CCBE1: variants seen among roughly 807,000 people sequenced by gnomAD.
CCBE1 encodes the protein collagen and calcium-binding EGF domain-containing protein 1.
CCBE1 carries 37 observed loss-of-function variants against 50.0 expected under a neutral mutation model. The ratio of observed to expected loss-of-function variants is 0.74; its 90% CI spans 0.57 to 0.97. The LOEUF is 0.97. Ranked by LOEUF, CCBE1 falls within the 50% of genes least tolerant of loss-of-function variation. The pLI is 0.00. For missense variants in CCBE1, 538 were observed against 523.8 expected (o/e 1.03, Z -0.26); for synonymous variants, 234 against 203.7 (o/e 1.15, Z -1.27).
At chr18:59,633,744 T>TTAAA (rs375734821) in intron 2 of CCBE1, among the ~76,000 whole-genome samples, 1 of 151,476 alleles carries the variant, frequency 6.6e-6, no homozygotes, top group African/African-American at 2.4e-5. Flanking sequence ...TTTTTTTTTT[T>TTAAA]AAAATAAAAC....
chr18:59,615,627 G>A (rs2053626262), intron 2 of CCBE1, among the ~76,000 whole-genome samples: 1 of 152,192 alleles, frequency 6.6e-6, no homozygotes, highest in Non-Finnish European at 1.5e-5. Context: ...ACAGGGCCAG[G>A]AGTGGCTTTA....
At chr18:59,520,471 A>G (rs1357496944) in intron 2 of CCBE1, among the ~76,000 whole-genome samples, 1 of 152,224 alleles carries the variant, frequency 6.6e-6, no homozygotes, top group Admixed American at 6.5e-5. Flanking sequence ...TTTGACAATG[A>G]AGCAATGGTA....
At chr18:59,526,512 C>T (rs1914827833) in intron 2 of CCBE1, among the ~76,000 whole-genome samples, 2 of 151,968 alleles carry the variant, frequency 1.3e-5, no homozygotes, top group Non-Finnish European at 2.9e-5. Context: ...GATTTCGCCA[C>T]ATTGGCCAGG....
At chr18:59,482,109 C>G (rs1912598721) in intron 2 of CCBE1, among the ~76,000 whole-genome samples, 1 of 152,184 alleles carries the variant, frequency 6.6e-6, no homozygotes, top group East Asian at 1.9e-4. Context: ...CATGTGTTCT[C>G]ATTGTTCAAC....
chr18:59,619,086 A>C (rs1173229412), intron 2 of CCBE1, among the ~76,000 whole-genome samples: 1 of 152,236 alleles, frequency 6.6e-6, no homozygotes, highest in East Asian at 1.9e-4. Flanking sequence ...GAAGATGTGA[A>C]TATGTATTTA....
chr18:59,469,431 G>A, intron 4 of CCBE1, 42 bp downstream of exon 4: 1 of 1,612,468 alleles, frequency 6.2e-7, no homozygotes, highest in Non-Finnish European at 8.5e-7. Context: ...TCTGAACAAG[G>A]CACATGTTCA....
intron 2 of CCBE1, among the ~76,000 whole-genome samples, chr18:59,497,470 G>A (rs930629752): frequency 2.0e-5 from 3 of 152,192 alleles, no homozygotes; most frequent in Admixed American, 1.3e-4. Context: ...AATTACCATA[G>A]AATAGAGCAG....
At chr18:59,692,178 T>C (rs370050441) in intron 2 of CCBE1, among the ~76,000 whole-genome samples, 3 of 152,232 alleles carry the variant, frequency 2.0e-5, no homozygotes, top group Non-Finnish European at 4.4e-5. Context: ...CAAACATCCA[T>C]TGAGCATCTA....
chr18:59,623,647 G>T (rs2144611250), intron 2 of CCBE1, among the ~76,000 whole-genome samples: 1 of 152,324 alleles, frequency 6.6e-6, no homozygotes, highest in East Asian at 1.9e-4. Context: ...TACGTGCTAG[G>T]AGACCCTTGC....
chr18:59,510,871 G>A (rs1366019538), intron 2 of CCBE1, among the ~76,000 whole-genome samples: 2 of 152,188 alleles, frequency 1.3e-5, no homozygotes, highest in Non-Finnish European at 2.9e-5. Flanking sequence ...CTTTGCATAT[G>A]GATTCTGATT....
At chr18:59,470,579 C>G (rs1911984515) in intron 3 of CCBE1, among the ~76,000 whole-genome samples, 1 of 152,088 alleles carries the variant, frequency 6.6e-6, no homozygotes, top group African/African-American at 2.4e-5. Flanking sequence ...TTCCAGCTCT[C>G]AGCCTGTACA....
intron 2 of CCBE1, among the ~76,000 whole-genome samples, chr18:59,601,031 T>TG (rs1250258966): frequency 8.5e-6 from 1 of 118,294 alleles, no homozygotes; most frequent in Non-Finnish European, 1.7e-5. Flanking sequence ...TTTTTTTTTT[T>TG]TTTTTTTTTT....
chr18:59,463,159 C>T (rs144605214), intron 5 of CCBE1, among the ~76,000 whole-genome samples: 433 of 152,204 alleles, frequency 2.8e-3, no homozygotes, highest in African/African-American at 9.7e-3. Flanking sequence ...TTTCTGGGAA[C>T]TTCCTTTTCC....
chr18:59,569,931 T>G (rs1450929307), intron 2 of CCBE1, among the ~76,000 whole-genome samples: 1 of 152,214 alleles, frequency 6.6e-6, no homozygotes, highest in Non-Finnish European at 1.5e-5. Flanking sequence ...GCACCCGGCC[T>G]CAGCTCCCTT....
At chr18:59,570,508 G>A (rs974632140) in intron 2 of CCBE1, among the ~76,000 whole-genome samples, 1 of 152,202 alleles carries the variant, frequency 6.6e-6, no homozygotes, top group African/African-American at 2.4e-5. Context: ...GATTCTGCGA[G>A]ACTTTGCATA....
At position 59,485,891 on chromosome 18, in the gene CCBE1, G is replaced by A. The variant is rs150507159; in HGVS notation, c.213-5653C>T. On this transcript the variant is annotated intron_variant, in intron 2 of 10. Coordinates refer to ENST00000439986, the MANE Select transcript of CCBE1 (RefSeq NM_133459.4). The stretch of plus-strand genomic sequence containing the variant: ...GCTAGGATTACAGGCATGAGCCACC[G>A]TGCCCGGCCAGATTTTTTTTTTTTT... Among the ~76,000 whole-genome samples, 843 of 150,204 alleles carry A rather than the reference G, an allele frequency of 5.6e-3. 5 individuals are homozygous for A. Among genetic ancestry groups the A allele is most frequent in the South Asian group, 0.012 (57 of 4,654 alleles).
intron 2 of CCBE1, among the ~76,000 whole-genome samples, chr18:59,690,486 G>A (rs1287352079): frequency 6.6e-6 from 1 of 152,194 alleles, no homozygotes; most frequent in African/African-American, 2.4e-5. Context: ...AGAACAGCAG[G>A]GTTTGGGAAA....
intron 2 of CCBE1, among the ~76,000 whole-genome samples, chr18:59,649,810 T>C (rs2054103942): frequency 1.3e-5 from 2 of 152,218 alleles, no homozygotes; most frequent in South Asian, 4.1e-4. Context: ...ACAGAGCTCA[T>C]GTTACGGGCT....
At chr18:59,664,833 T>G (rs990265236) in intron 2 of CCBE1, among the ~76,000 whole-genome samples, 1 of 152,178 alleles carries the variant, frequency 6.6e-6, no homozygotes, top group African/African-American at 2.4e-5. Context: ...ATGGGCACTA[T>G]TAATAATCAC....
Sources: allele counts gnomAD v4.1 joint callset (sites outside exome capture counted in the v4.1 genomes callset), GRCh38; gene constraint gnomAD v4.1.1; transcripts MANE v1.5; gene names NCBI Gene and HGNC (gene_info 2026-07-23, HGNC 2026-07-21).